The following CENPW variants were observed in gnomAD, a reference collection of about 807,000 sequenced individuals.
CENPW encodes cancer-up-regulated gene 2 protein.
In CENPW, 3 loss-of-function variants were observed where a neutral mutation model predicts 11.1. The observed-to-expected ratio is 0.27, with a 90% confidence interval of 0.12 to 0.70. The LOEUF (loss-of-function observed/expected upper bound fraction) is 0.70. CENPW is among the 30% of genes least tolerant of loss of function. The pLI, the probability that CENPW is intolerant of heterozygous loss-of-function variation, is 0.77. For synonymous variants in CENPW, 38 were observed against 42.0 expected (o/e 0.91, Z 0.37); for missense variants, 100 against 105.6 (o/e 0.95, Z 0.23).
chr6:126,354,716 C>A, the CENPW span, among the ~76,000 whole-genome samples: 1 of 152,072 alleles, frequency 6.6e-6, no homozygotes, highest in Non-Finnish European at 1.5e-5. Flanking sequence ...TTAAGAGTCT[C>A]CTTTTTGGAG....
chr6:126,380,878 A>G, the CENPW span, among the ~76,000 whole-genome samples: 1 of 152,322 alleles, frequency 6.6e-6, no homozygotes, highest in East Asian at 1.9e-4. Context: ...AGTAATGACA[A>G]AGATTCTCTG....
At chr6:126,345,463 A>G (rs1294746681) in intron 1 of CENPW, among the ~76,000 whole-genome samples, 2 of 152,030 alleles carry the variant, frequency 1.3e-5, no homozygotes, top group Admixed American at 6.6e-5. Flanking sequence ...TTTTAAAATA[A>G]TTATAGACTC....
the CENPW span, among the ~76,000 whole-genome samples, chr6:126,454,229 A>G: frequency 6.6e-6 from 1 of 151,316 alleles, no homozygotes; most frequent in Non-Finnish European, 1.5e-5. Context: ...GGCCTAATAG[A>G]CATCTATAGA....
chr6:126,368,162 A>G, the CENPW span, among the ~76,000 whole-genome samples: 1 of 152,208 alleles, frequency 6.6e-6, no homozygotes, highest in East Asian at 1.9e-4. Context: ...AAAGATAACT[A>G]TTGCATATCC....
At chr6:126,443,228 T>A in the CENPW span, among the ~76,000 whole-genome samples, 1 of 151,296 alleles carries the variant, frequency 6.6e-6, no homozygotes, top group Non-Finnish European at 1.5e-5. Context: ...TTTTGACATG[T>A]ATCTTGAGTC....
At chr6:126,446,047 C>T in the CENPW span, among the ~76,000 whole-genome samples, 1 of 151,048 alleles carries the variant, frequency 6.6e-6, no homozygotes, top group Non-Finnish European at 1.5e-5. Context: ...GAAACGATCA[C>T]AATTCTTTTC....
the CENPW span, among the ~76,000 whole-genome samples, chr6:126,389,058 A>G: frequency 6.6e-6 from 1 of 151,950 alleles, no homozygotes; most frequent in South Asian, 2.1e-4. Flanking sequence ...CCAAGACTTA[A>G]TTTTTAAAGA....
the CENPW span, among the ~76,000 whole-genome samples, chr6:126,398,927 C>G: frequency 9.9e-5 from 15 of 151,704 alleles, no homozygotes; most frequent in Non-Finnish European, 2.1e-4. Context: ...GATTCCGTTC[C>G]TGTGTTAATT....
chr6:126,358,413 TGAA>T, the CENPW span, among the ~76,000 whole-genome samples: 1 of 152,200 alleles, frequency 6.6e-6, no homozygotes, highest in Non-Finnish European at 1.5e-5. Flanking sequence ...GTTTTTATCA[TGAA>T]GAAGTGTTGG....
chr6:126,445,837 G>A, the CENPW span, among the ~76,000 whole-genome samples: 3 of 151,000 alleles, frequency 2.0e-5, no homozygotes, highest in African/African-American at 4.8e-5. Context: ...CATTTGAATC[G>A]TTTTGCTTTT....
At chr6:126,365,115 T>C in the CENPW span, among the ~76,000 whole-genome samples, 1 of 152,174 alleles carries the variant, frequency 6.6e-6, no homozygotes, top group African/African-American at 2.4e-5. Context: ...TTCTTAATTT[T>C]GGGGTAGAAG....
the CENPW span, among the ~76,000 whole-genome samples, chr6:126,386,621 G>T: frequency 6.6e-6 from 1 of 151,916 alleles, no homozygotes; most frequent in Non-Finnish European, 1.5e-5. Context: ...AAATAGTTGT[G>T]CAGTGTACAC....
At chr6:126,439,811 C>T in the CENPW span, among the ~76,000 whole-genome samples, 1 of 151,562 alleles carries the variant, frequency 6.6e-6, no homozygotes, top group African/African-American at 2.4e-5. Context: ...ATGGTATTCC[C>T]CTGGAATCAT....
At chr6:126,370,363 C>T in the CENPW span, among the ~76,000 whole-genome samples, 1 of 151,808 alleles carries the variant, frequency 6.6e-6, no homozygotes, top group African/African-American at 2.4e-5. Context: ...ATGAATTTGT[C>T]ATTTTCACAG....
At chr6:126,448,719 T>C in the CENPW span, among the ~76,000 whole-genome samples, 1 of 151,042 alleles carries the variant, frequency 6.6e-6, no homozygotes, top group African/African-American at 2.4e-5. Flanking sequence ...GGTACTGTAA[T>C]AGGTTTTTTA....
the CENPW span, among the ~76,000 whole-genome samples, chr6:126,461,430 C>T: frequency 6.6e-6 from 1 of 151,862 alleles, no homozygotes; most frequent in Non-Finnish European, 1.5e-5. Context: ...AATGTGCTAG[C>T]CTTGGAGTCT....
chr6:126,421,031 C>A, the CENPW span, among the ~76,000 whole-genome samples: 2 of 151,992 alleles, frequency 1.3e-5, no homozygotes, highest in Admixed American at 1.3e-4. Context: ...TGATAAGTAT[C>A]TGCTTGAAAG....
At chr6:126,481,827 T>C in the CENPW span, among the ~76,000 whole-genome samples, 1 of 152,168 alleles carries the variant, frequency 6.6e-6, no homozygotes, top group African/African-American at 2.4e-5. Context: ...AATCTTACTA[T>C]ACTTGGTATA....
the CENPW span, among the ~76,000 whole-genome samples, chr6:126,478,292 A>T: frequency 6.6e-6 from 1 of 151,794 alleles, no homozygotes; most frequent in African/African-American, 2.4e-5. Context: ...GAGATTTTTA[A>T]ATAATGAAGC....
Sources: gnomAD v4.1 joint callset for allele counts (sites outside exome capture counted in the v4.1 genomes callset) on GRCh38, gnomAD v4.1.1 for gene constraint, MANE v1.5 for transcripts, NCBI Gene and HGNC (gene_info 2026-07-23, HGNC 2026-07-21) for gene names.